The following RANBP2 variants were observed in gnomAD, a reference collection of about 807,000 sequenced individuals.
The protein encoded by RANBP2 is RAN binding protein 2.
Under a neutral mutation model 303.6 loss-of-function variants are expected in RANBP2, and 57 were observed. The observed-to-expected ratio is 0.19, with a 90% CI of 0.15 to 0.23. The LOEUF (loss-of-function observed/expected upper bound fraction) is 0.23, where lower values mean the gene tolerates loss of function less well. Ranked by LOEUF, RANBP2 falls within the 10% of genes least tolerant of loss-of-function variation. The pLI, the probability that RANBP2 is intolerant of heterozygous loss-of-function variation, is 1.00. For synonymous variants in RANBP2, 1,167 were observed against 1,301.5 expected (o/e 0.90, Z 2.23); for missense variants, 3,138 against 3,780.8 (o/e 0.83, Z 4.46).
At position 108,765,159 on chromosome 2, in the gene RANBP2, T is replaced by G. The variant is rs747181667; in HGVS notation, c.4620T>G (p.Phe1540Leu). 2.5e-6 allele frequency: 4 copies of G among 1,614,042 alleles called. No homozygotes were observed. In the African/African-American group the frequency reaches 5.3e-5, roughly 22 times the overall value. Residue 1540 changes from phenylalanine (F) to leucine (L), a missense_variant, in exon 20 of 29, where the codon TTT (phenylalanine) becomes TTG (leucine). Transcript: ENST00000283195. ...TAAAAAGTGGATTTGAAGACATGTTTGCTAAGAAGGAAGGACAGTGGGATT... is the reference window on the plus strand; with the variant it reads ...TAAAAAGTGGATTTGAAGACATGTTGGCTAAGAAGGAAGGACAGTGGGATT... ...KTLKSGFEDM[F>L]AKKEGQWDCS...
At chr2:109,665,003 G>GA in the RANBP2 span, among the ~76,000 whole-genome samples, 1 of 150,552 alleles carries the variant, frequency 6.6e-6, no homozygotes, top group African/African-American at 2.4e-5. Context: ...CCTACACATA[G>GA]AAAAAAATAA....
the RANBP2 span, among the ~76,000 whole-genome samples, chr2:109,343,786 C>G: frequency 6.6e-6 from 1 of 151,818 alleles, no homozygotes; most frequent in Non-Finnish European, 1.5e-5. Context: ...GCCCTGTCAC[C>G]TAGGCTGGAG....
At chr2:109,115,983 T>C in the RANBP2 span, among the ~76,000 whole-genome samples, 2 of 152,232 alleles carry the variant, frequency 1.3e-5, no homozygotes, top group Non-Finnish European at 2.9e-5. Flanking sequence ...GCTTGTAGAG[T>C]TTCTGCTGAG....
At chr2:109,181,950 G>C in the RANBP2 span, among the ~76,000 whole-genome samples, 1 of 152,178 alleles carries the variant, frequency 6.6e-6, no homozygotes, top group Admixed American at 6.5e-5. Flanking sequence ...GGCCTTGAAT[G>C]AGCAACCAAA....
the RANBP2 span, among the ~76,000 whole-genome samples, chr2:109,583,355 T>C: frequency 4.5e-4 from 69 of 152,020 alleles, no homozygotes; most frequent in African/African-American, 1.6e-3. Context: ...CCAAAAGACA[T>C]GGACATACAA....
chr2:109,520,704 G>C, the RANBP2 span, among the ~76,000 whole-genome samples: 3 of 138,418 alleles, frequency 2.2e-5, no homozygotes, highest in African/African-American at 7.5e-5. Flanking sequence ...GCCAAGGCAG[G>C]TGGATCACCT....
At chr2:108,908,012 C>T in the RANBP2 span, 3 of 1,607,898 alleles carry the variant, frequency 1.9e-6, no homozygotes, top group African/African-American at 1.3e-5. Context: ...GATGAGGCAT[C>T]GTTCTCGCTG....
chr2:109,060,851 A>G, the RANBP2 span, among the ~76,000 whole-genome samples: 1 of 152,194 alleles, frequency 6.6e-6, no homozygotes, highest in Admixed American at 6.5e-5. Flanking sequence ...TATATGTGTC[A>G]TATATATAAC....
chr2:109,369,959 GC>G, the RANBP2 span, among the ~76,000 whole-genome samples: 1 of 152,218 alleles, frequency 6.6e-6, no homozygotes, highest in African/African-American at 2.4e-5. Flanking sequence ...GCTCTGAGGG[GC>G]TTCTCCATGA....
the RANBP2 span, among the ~76,000 whole-genome samples, chr2:108,900,571 A>AAAC: frequency 1.9e-3 from 281 of 147,354 alleles, 1 homozygote; most frequent in South Asian, 1.9e-3. Flanking sequence ...AAAAAAAAAA[A>AAAC]AACAAAAAAC....
the RANBP2 span, among the ~76,000 whole-genome samples, chr2:108,982,640 G>T: frequency 6.6e-6 from 1 of 152,334 alleles, no homozygotes; most frequent in Admixed American, 6.5e-5. Flanking sequence ...TCAGAGTGCT[G>T]TGTGTGGTCT....
At chr2:108,795,589 C>G in the RANBP2 span, among the ~76,000 whole-genome samples, 1 of 152,156 alleles carries the variant, frequency 6.6e-6, no homozygotes, top group African/African-American at 2.4e-5. Context: ...TCTTTAAAAC[C>G]AGTATTTCGT....
the RANBP2 span, among the ~76,000 whole-genome samples, chr2:109,088,280 C>G: frequency 6.6e-6 from 1 of 151,166 alleles, no homozygotes; most frequent in Non-Finnish European, 1.5e-5. Flanking sequence ...GCCTGTAGTT[C>G]CAGCTACTCA....
intron 9 of RANBP2, among the ~76,000 whole-genome samples, chr2:108,750,778 G>A (rs1334689773): frequency 3.9e-5 from 6 of 152,064 alleles, no homozygotes; most frequent in African/African-American, 7.2e-5. Flanking sequence ...TAGTAGAGAC[G>A]GAGTTTCACC....
chr2:109,743,425 A>G, the RANBP2 span, among the ~76,000 whole-genome samples: 1 of 147,008 alleles, frequency 6.8e-6, no homozygotes, highest in East Asian at 2.0e-4. Context: ...CTGACTTTTT[A>G]GGTATGAAAC....
chr2:108,987,420 C>T, the RANBP2 span, among the ~76,000 whole-genome samples: 3 of 152,206 alleles, frequency 2.0e-5, no homozygotes, highest in Non-Finnish European at 4.4e-5. Flanking sequence ...CGCCCAATGG[C>T]AGGCACTGGG....
the RANBP2 span, among the ~76,000 whole-genome samples, chr2:109,582,075 GACACACACACACAC>G: frequency 0.073 from 10,531 of 143,836 alleles, 807 homozygotes; most frequent in East Asian, 0.29. Context: ...ATGTACAACA[GACACACACACACAC>G]ACACACACAC....
chr2:109,352,436 C>T, the RANBP2 span, among the ~76,000 whole-genome samples: 12 of 152,210 alleles, frequency 7.9e-5, no homozygotes, highest in Non-Finnish European at 8.8e-5. Flanking sequence ...GTGGAGGCCA[C>T]GGTCCCCTCA....
chr2:109,074,382 A>T, the RANBP2 span, among the ~76,000 whole-genome samples: 2 of 150,756 alleles, frequency 1.3e-5, no homozygotes, highest in African/African-American at 4.8e-5. Flanking sequence ...AAAAAAGGCA[A>T]TACTAAATCT....
Sources: allele counts gnomAD v4.1 joint callset (sites outside exome capture counted in the v4.1 genomes callset), GRCh38; gene constraint gnomAD v4.1.1; transcripts MANE v1.5; gene names NCBI Gene and HGNC (gene_info 2026-07-23, HGNC 2026-07-21).